SPOCK3: variants seen among roughly 807,000 people sequenced by gnomAD.
SPOCK3 encodes the protein SPARC (osteonectin), cwcv and kazal like domains proteoglycan 3.
In SPOCK3, 30 loss-of-function variants were observed where a neutral mutation model predicts 56.6. That is an observed-to-expected ratio of 0.53 (90% CI 0.40 to 0.72). The LOEUF (loss-of-function observed/expected upper bound fraction) is 0.72. Ranked by LOEUF, SPOCK3 falls within the 30% of genes least tolerant of loss-of-function variation. The probability of loss-of-function intolerance (pLI) is 0.00; values close to 1 mark genes in which losing one functional copy is unlikely to be tolerated. For missense variants in SPOCK3, 527 were observed against 530.0 expected (o/e 0.99, Z 0.06); for synonymous variants, 196 against 183.3 (o/e 1.07, Z -0.56).
intron 4 of SPOCK3, among the ~76,000 whole-genome samples, chr4:166,984,408 C>T (rs1479241629): frequency 2.0e-5 from 3 of 151,974 alleles, no homozygotes; most frequent in Non-Finnish European, 2.9e-5. Flanking sequence ...CTTTTTCTTC[C>T]TCTTGTAGCT....
intron 2 of SPOCK3, among the ~76,000 whole-genome samples, chr4:167,210,243 C>T (rs1201599660): frequency 4.9e-5 from 6 of 122,168 alleles, no homozygotes; most frequent in African/African-American, 1.5e-4. Flanking sequence ...GTCAGGTATG[C>T]TTTCTTCCAC....
intron 2 of SPOCK3, among the ~76,000 whole-genome samples, chr4:167,095,284 C>G (rs947437264): frequency 6.6e-6 from 1 of 152,052 alleles, no homozygotes; most frequent in Non-Finnish European, 1.5e-5. Flanking sequence ...CCTTGTGAAT[C>G]TACATAACTT....
chr4:167,228,556 C>T (rs1382145455), intron 2 of SPOCK3, among the ~76,000 whole-genome samples: 2 of 152,122 alleles, frequency 1.3e-5, no homozygotes, highest in African/African-American at 4.8e-5. Flanking sequence ...ATTCTCTGAC[C>T]TGCCTTCCTT....
intron 4 of SPOCK3, among the ~76,000 whole-genome samples, chr4:166,915,628 T>C (rs1249908510): frequency 6.6e-6 from 1 of 152,066 alleles, no homozygotes; most frequent in Non-Finnish European, 1.5e-5. Flanking sequence ...AGTCACATAG[T>C]CATTGTATAG....
At chr4:167,113,641 C>T (rs1282939104) in intron 2 of SPOCK3, among the ~76,000 whole-genome samples, 3 of 151,986 alleles carry the variant, frequency 2.0e-5, no homozygotes, top group Non-Finnish European at 4.4e-5. Flanking sequence ...CAACCAAAGG[C>T]AGGATACATG....
At chr4:167,065,391 G>A (rs1022509651) in intron 2 of SPOCK3, among the ~76,000 whole-genome samples, 2 of 151,830 alleles carry the variant, frequency 1.3e-5, no homozygotes, top group African/African-American at 2.4e-5. Context: ...TATTTAAAAA[G>A]AATATAATTT....
chr4:167,093,888 T>G (rs1431556749), intron 2 of SPOCK3, among the ~76,000 whole-genome samples: 1 of 152,130 alleles, frequency 6.6e-6, no homozygotes, highest in Non-Finnish European at 1.5e-5. Context: ...TTGGTCTATG[T>G]CAAATGATGA....
intron 4 of SPOCK3, among the ~76,000 whole-genome samples, chr4:166,928,816 A>G (rs1435876637): frequency 1.3e-5 from 2 of 152,034 alleles, no homozygotes; most frequent in Non-Finnish European, 2.9e-5. Flanking sequence ...AAAAATACAA[A>G]AATTAGCCAG....
intron 2 of SPOCK3, among the ~76,000 whole-genome samples, chr4:167,161,512 C>T (rs1765301341): frequency 1.3e-5 from 2 of 152,046 alleles, no homozygotes; most frequent in African/African-American, 2.4e-5. Flanking sequence ...ACTAGAAATA[C>T]CATTTGACCC....
At chr4:167,025,996 A>C (rs1580043749) in intron 3 of SPOCK3, among the ~76,000 whole-genome samples, 1 of 152,086 alleles carries the variant, frequency 6.6e-6, no homozygotes, top group Admixed American at 6.6e-5. Flanking sequence ...GAATGTGTAC[A>C]TCTAAACATA....
chr4:166,961,672 C>A (rs187506267), intron 4 of SPOCK3, among the ~76,000 whole-genome samples: 43 of 152,112 alleles, frequency 2.8e-4, no homozygotes, highest in African/African-American at 9.9e-4. Flanking sequence ...AATGCTTATA[C>A]AAGAAAGTCT....
chr4:166,795,061 CCAT>C (rs546375224), intron 6 of SPOCK3, among the ~76,000 whole-genome samples: 5 of 152,108 alleles, frequency 3.3e-5, no homozygotes, highest in Non-Finnish European at 7.4e-5. Context: ...GCATAGCACT[CCAT>C]CATGTACACT....
intron 6 of SPOCK3, among the ~76,000 whole-genome samples, chr4:166,880,707 G>A (rs548538017): frequency 1.3e-4 from 20 of 152,154 alleles, no homozygotes; most frequent in Admixed American, 1.2e-3. Context: ...CTTTCCTAAA[G>A]TCAATCGACA....
At chr4:166,845,735 T>A (rs1435446923) in intron 6 of SPOCK3, among the ~76,000 whole-genome samples, 1 of 152,174 alleles carries the variant, frequency 6.6e-6, no homozygotes, top group Non-Finnish European at 1.5e-5. Flanking sequence ...CACCAAGTTA[T>A]TAACTAGGTG....
At chr4:167,219,156 G>C (rs1735651358) in intron 2 of SPOCK3, among the ~76,000 whole-genome samples, 1 of 152,164 alleles carries the variant, frequency 6.6e-6, no homozygotes, top group Non-Finnish European at 1.5e-5. Flanking sequence ...GACTGCCTCA[G>C]GGACATCCGA....
chr4:166,829,716 G>A (rs902640360), intron 6 of SPOCK3, among the ~76,000 whole-genome samples: 1 of 151,966 alleles, frequency 6.6e-6, no homozygotes, highest in Non-Finnish European at 1.5e-5. Flanking sequence ...TATCATCTAC[G>A]TCTCAGATAG....
intron 6 of SPOCK3, among the ~76,000 whole-genome samples, chr4:166,860,817 G>GTATATATATATATATATATATGTA (rs1307737257): frequency 9.6e-5 from 3 of 31,164 alleles, no homozygotes; most frequent in African/African-American, 3.4e-4. Context: ...ATATATATAT[G>GTATATATATATATATATATATGTA]TATATATATA....
chr4:166,970,882 A>C (rs1202930913), intron 4 of SPOCK3, among the ~76,000 whole-genome samples: 1 of 152,072 alleles, frequency 6.6e-6, no homozygotes, highest in Non-Finnish European at 1.5e-5. Flanking sequence ...TGACTTATTA[A>C]ATTTGATTTT....
At chr4:166,766,912 C>T (rs1303011348) in intron 7 of SPOCK3, among the ~76,000 whole-genome samples, 1 of 152,068 alleles carries the variant, frequency 6.6e-6, no homozygotes, top group Non-Finnish European at 1.5e-5. Context: ...CTTGTTTAGT[C>T]TTGGGAGAGT....
Sources: gnomAD v4.1 joint callset for allele counts (sites outside exome capture counted in the v4.1 genomes callset) on GRCh38, gnomAD v4.1.1 for gene constraint, MANE v1.5 for transcripts, NCBI Gene and HGNC (gene_info 2026-07-23, HGNC 2026-07-21) for gene names.